STPG2: variants seen among roughly 807,000 people sequenced by gnomAD.
The protein encoded by STPG2 is sperm tail PG-rich repeat containing 2.
A neutral mutation model predicts 54.2 loss-of-function variants in STPG2; 56 were observed. That is an observed-to-expected ratio of 1.03 (90% CI 0.83 to 1.29). STPG2 has a LOEUF of 1.29. Ranked by LOEUF, STPG2 falls within the 50% of genes most tolerant of loss-of-function variation. STPG2 has a pLI of 0.00. For synonymous variants in STPG2, 200 were observed against 181.8 expected (o/e 1.10, Z -0.81); for missense variants, 596 against 544.9 (o/e 1.09, Z -0.93).
chr4:97,474,689 T>C (rs1730028599), intron 4 of STPG2, among the ~76,000 whole-genome samples: 1 of 152,102 alleles, frequency 6.6e-6, no homozygotes, highest in South Asian at 2.1e-4. Context: ...ATTTATTTTA[T>C]TGAATTTTTA....
chr4:97,483,818 G>A, intron 4 of STPG2, among the ~76,000 whole-genome samples: 1 of 151,674 alleles, frequency 6.6e-6, no homozygotes, highest in African/African-American at 2.4e-5. Flanking sequence ...TAGATCATAT[G>A]ATAGGTCATA....
chr4:97,567,795 A>G (rs1037555121), intron 10 of STPG2, among the ~76,000 whole-genome samples: 12 of 152,168 alleles, frequency 7.9e-5, no homozygotes, highest in African/African-American at 2.4e-4. Flanking sequence ...CGCATGTTGT[A>G]TATGTGTATA....
chr4:98,017,913 T>C (rs991200719), intron 5 of STPG2, among the ~76,000 whole-genome samples: 1 of 152,164 alleles, frequency 6.6e-6, no homozygotes, highest in African/African-American at 2.4e-5. Flanking sequence ...GTGAAGAAAA[T>C]ACTTGCTTCT....
chr4:97,495,768 TC>T (rs1196916402), intron 4 of STPG2, among the ~76,000 whole-genome samples: 4 of 149,936 alleles, frequency 2.7e-5, no homozygotes, highest in African/African-American at 9.7e-5. Context: ...ATTTTAACTT[TC>T]CATTGAAATT....
intron 5 of STPG2, among the ~76,000 whole-genome samples, chr4:98,050,895 C>G (rs1368550436): frequency 6.6e-6 from 1 of 151,898 alleles, no homozygotes; most frequent in East Asian, 1.9e-4. Context: ...GTCCCAGCTA[C>G]TCGGGAGGCT....
intron 4 of STPG2, among the ~76,000 whole-genome samples, chr4:97,486,858 CAA>C (rs1730376681): frequency 9.7e-6 from 1 of 102,938 alleles, no homozygotes; most frequent in Non-Finnish European, 1.8e-5. Context: ...TGTATGTATA[CAA>C]ACACACACAC....
At chr4:97,911,298 G>C (rs534853898) in intron 8 of STPG2, among the ~76,000 whole-genome samples, 2 of 152,332 alleles carry the variant, frequency 1.3e-5, no homozygotes, top group Admixed American at 1.3e-4. Flanking sequence ...CAGGACACCC[G>C]TCCATTCCTG....
In STPG2 at chr4:97,896,348, C is replaced by T. The variant is rs542871892; in HGVS notation, c.1044+47549G>A. On this transcript the variant is annotated intron_variant, in intron 8 of 10. Coordinates refer to ENST00000295268, the MANE Select transcript of STPG2 (RefSeq NM_174952.3). Reference sequence around the variant, plus strand: ...CCTATTACATACAAACTGAAGCAAACATGTCAACTACCACTTAAGGATGCC... The same window carrying T: ...CCTATTACATACAAACTGAAGCAAATATGTCAACTACCACTTAAGGATGCC... Among the ~76,000 whole-genome samples, 7 of 151,794 alleles carry T rather than the reference C, an allele frequency of 4.6e-5. No individual in the cohort carries two copies. In the South Asian group the frequency reaches 1.2e-3, roughly 27 times the overall value.
intron 8 of STPG2, among the ~76,000 whole-genome samples, chr4:97,858,718 A>G (rs989122589): frequency 9.2e-5 from 14 of 152,180 alleles, no homozygotes; most frequent in African/African-American, 3.4e-4. Context: ...GTTGCTGTGA[A>G]TGCCATTATT....
chr4:97,995,556 C>T (rs1182704378), intron 5 of STPG2, among the ~76,000 whole-genome samples: 1 of 151,792 alleles, frequency 6.6e-6, no homozygotes, highest in African/African-American at 2.4e-5. Flanking sequence ...TAGACACAGC[C>T]AAGAGGAACA....
chr4:97,562,678 T>C (rs1255586895), intron 10 of STPG2, among the ~76,000 whole-genome samples: 2 of 152,204 alleles, frequency 1.3e-5, no homozygotes, highest in Non-Finnish European at 2.9e-5. Flanking sequence ...TCAAAGGCCT[T>C]TTCTGCATCT....
At chr4:97,503,058 C>T (rs966716388) in intron 4 of STPG2, among the ~76,000 whole-genome samples, 1 of 151,800 alleles carries the variant, frequency 6.6e-6, no homozygotes, top group Non-Finnish European at 1.5e-5. Flanking sequence ...TATTTGGTTA[C>T]CCAAGGGATA....
chr4:97,816,272 A>G (rs955569556), intron 9 of STPG2, among the ~76,000 whole-genome samples: 22 of 152,062 alleles, frequency 1.4e-4, no homozygotes, highest in Non-Finnish European at 3.1e-4. Flanking sequence ...TCTTTATCCA[A>G]TCTATCATTG....
chr4:98,104,157 AG>A (rs1253871585), intron 5 of STPG2, among the ~76,000 whole-genome samples: 1 of 152,188 alleles, frequency 6.6e-6, no homozygotes, highest in African/African-American at 2.4e-5. Flanking sequence ...GTCAGCATTT[AG>A]TTGTGTATAT....
At chr4:97,637,200 A>G (rs1360980929) in intron 10 of STPG2, among the ~76,000 whole-genome samples, 4 of 152,186 alleles carry the variant, frequency 2.6e-5, no homozygotes, top group Admixed American at 2.0e-4. Context: ...ATGCAAATCA[A>G]TAAATGTAAT....
In STPG2 at chr4:98,128,456, A is replaced by G; in HGVS notation, c.359T>C (p.Leu120Pro). The change falls in exon 3 of 11, where the codon CTT (leucine) becomes CCT (proline). Residue 120 changes from leucine (L) to proline (P), a missense_variant. By Grantham distance (98) the Leu-to-Pro change is moderately conservative. Transcript: ENST00000295268. The stretch of plus-strand genomic sequence containing the variant: ...TTGAGGTTTGTAGTATGCTGGACCA[A>G]GTGTACTGTCACAAGCAGGTGGAAA... ...KCFPPACDST[L>P]GPAYYKPQFD... The G allele has an allele frequency of 6.2e-7, 1 of 1,612,052 alleles. No individual in the cohort carries two copies. Among genetic ancestry groups the G allele is most frequent in the East Asian group, 2.2e-5 (1 of 44,812 alleles).
intron 4 of STPG2, among the ~76,000 whole-genome samples, chr4:97,544,668 A>T (rs892819083): frequency 2.0e-5 from 3 of 152,098 alleles, no homozygotes; most frequent in African/African-American, 7.2e-5. Flanking sequence ...ATTTCCCAAC[A>T]TATTAAAGGC....
intron 4 of STPG2, among the ~76,000 whole-genome samples, chr4:97,449,446 A>C (rs1320555076): frequency 2.0e-5 from 3 of 152,196 alleles, no homozygotes; most frequent in African/African-American, 7.2e-5. Context: ...CAAGAAAGAC[A>C]AAACTTCAAA....
intron 4 of STPG2, among the ~76,000 whole-genome samples, chr4:97,540,301 C>T (rs762168661): frequency 3.3e-5 from 5 of 151,936 alleles, no homozygotes; most frequent in South Asian, 4.2e-4. Flanking sequence ...ATATCACCAC[C>T]GATCCCACAG....
Sources: gnomAD v4.1 joint callset for allele counts (sites outside exome capture counted in the v4.1 genomes callset) on GRCh38, gnomAD v4.1.1 for gene constraint, MANE v1.5 for transcripts, NCBI Gene and HGNC (gene_info 2026-07-23, HGNC 2026-07-21) for gene names.